RNF17: variants seen among roughly 807,000 people sequenced by gnomAD.
The protein encoded by RNF17 is ring finger protein 17.
A neutral mutation model predicts 200.5 loss-of-function variants in RNF17; 31 were observed. The ratio of observed to expected loss-of-function variants is 0.15; its 90% CI spans 0.12 to 0.21. RNF17 has a LOEUF of 0.21. Among genes scored for constraint, RNF17 ranks in the 10% least tolerant of loss-of-function variants. RNF17 has a pLI of 1.00. For synonymous variants in RNF17, 606 were observed against 637.8 expected, an observed-to-expected ratio of 0.95 and a Z score of 0.75; for missense variants, 1,628 against 1,905.1, an observed-to-expected ratio of 0.85 and a Z score of 2.71.
upstream of RNF17, among the ~76,000 whole-genome samples, chr13:24,759,879 G>A (rs1478740568): frequency 4.6e-5 from 7 of 152,270 alleles, no homozygotes; most frequent in African/African-American, 1.7e-4. Context: ...GGTGGCTCAC[G>A]CCTGTAATCC....
At chr13:24,827,724 A>AAC (rs1429666384) in intron 16 of RNF17, among the ~76,000 whole-genome samples, 2 of 149,008 alleles carry the variant, frequency 1.3e-5, no homozygotes, top group South Asian at 2.2e-4. Context: ...AAAACAAAAA[A>AAC]AAAAAAACAA....
rs189969679 is a variant in RNF17, at chr13:24,862,076, G to A, written c.3895-637G>A. Among the ~76,000 whole-genome samples, 505 of 152,306 alleles carry A rather than the reference G, an allele frequency of 3.3e-3. 1 individual carries two copies. The highest frequency in any genetic ancestry group is 5.3e-3 in the Non-Finnish European group (362 of 68,024). ...CAGTTCTTGTGAGAACTCACAATCA[G>A]CATGGGGGAAACTGCCCCATGATCC... On this transcript the variant is annotated intron_variant, in intron 27 of 35. Coordinates refer to ENST00000255324, the MANE Select transcript of RNF17 (RefSeq NM_031277.3).
rs71186847 is a variant in RNF17 at position 24,797,714 on chromosome 13, G to GTC, written c.1399+1420_1399+1421insCT. Among the ~76,000 whole-genome samples the GTC allele has an allele frequency of 2.7e-3, 395 of 146,504 alleles. 6 individuals carry two copies. Among genetic ancestry groups the GTC allele is most frequent in the South Asian group, 5.6e-3 (25 of 4,472 alleles). The stretch of plus-strand genomic sequence containing the variant: ...AGAGAGAGAGACAAAGAGTGTGTGT[G>GTC]TGTGTGTGTGTGTGTGTGTGTGTGT... On this transcript the variant is annotated intron_variant, in intron 11 of 35. Transcript: ENST00000255324.
chr13:24,843,991 T>C lies in RNF17; in HGVS notation c.2831+20T>C. ...TAATAGGTATAATATATATATATAATATATAAGGAAAATATTGCATATGAT... is the reference window on the plus strand; with the variant it reads ...TAATAGGTATAATATATATATATAACATATAAGGAAAATATTGCATATGAT... On this transcript the variant is annotated intron_variant, in intron 20 of 35. Coordinates refer to ENST00000255324, the MANE Select transcript of RNF17 (RefSeq NM_031277.3). The C allele has an allele frequency of 3.0e-6, 2 of 676,140 alleles. No homozygotes were observed. The highest frequency in any genetic ancestry group is 4.4e-6 in the Non-Finnish European group (2 of 455,610). 41.9% of individuals were successfully genotyped at this position (676,140 alleles called of 1,614,324 possible).
In RNF17 at chr13:24,859,021, A is replaced by G; in HGVS notation, c.3631A>G (p.Thr1211Ala). The change falls in exon 26 of 36, where the codon ACA becomes GCA. Residue 1211 changes from threonine (T) to alanine (A), a missense_variant. Thr to Ala is a moderately conservative substitution (Grantham distance 58). This residue lies in a region of RNF17 where 609 missense variants were observed against 681.9 expected (regional missense o/e 0.89). Transcript: ENST00000255324. ...KLSEFELIKM[T>A]NEIQSNLKCL... is the part of the protein sequence containing the mutation. Reference sequence around the variant, plus strand: ...TTCAGAATTTGAGCTAATAAAAATGACAAATGAAATTCAAAGTAATTTAAA... The same window carrying G: ...TTCAGAATTTGAGCTAATAAAAATGGCAAATGAAATTCAAAGTAATTTAAA... 7.5e-6 allele frequency: 12 copies of G among 1,590,664 alleles called. No individual in the cohort carries two copies. Among genetic ancestry groups the G allele is most frequent in the Non-Finnish European group, 9.5e-6 (11 of 1,161,818 alleles).
intron 1 of RNF17, 75 bp from the exon 2 acceptor site, chr13:24,767,197 T>A (rs1879821789): frequency 5.9e-6 from 6 of 1,017,634 alleles, no homozygotes; most frequent in Non-Finnish European, 8.9e-6. Flanking sequence ...ACACTCCAGC[T>A]TGGGCAACAG....
chr13:24,852,767 C>G (rs185722974), intron 24 of RNF17, among the ~76,000 whole-genome samples: 2 of 152,200 alleles, frequency 1.3e-5, no homozygotes, highest in African/African-American at 4.8e-5. Context: ...GTTAATACTA[C>G]TGACATTGTC....
intron 15 of RNF17, among the ~76,000 whole-genome samples, chr13:24,818,535 A>T (rs935498372): frequency 6.6e-6 from 1 of 152,084 alleles, no homozygotes. Flanking sequence ...AATTCTGTCA[A>T]TGTTTGCTTC....
chr13:24,851,824 A>G (rs1261975559), intron 24 of RNF17, among the ~76,000 whole-genome samples: 1 of 152,176 alleles, frequency 6.6e-6, no homozygotes, highest in Non-Finnish European at 1.5e-5. Context: ...CTCTCCTTTG[A>G]CATTTACACT....
intron 11 of RNF17, among the ~76,000 whole-genome samples, chr13:24,799,070 G>T (rs1884943925): frequency 6.6e-6 from 1 of 152,108 alleles, no homozygotes; most frequent in Non-Finnish European, 1.5e-5. Context: ...TAATTAATTT[G>T]CCTGTCTCTC....
At chr13:24,862,840 A>C in intron 28 of RNF17, 47 bp downstream of exon 28, 1 of 1,063,714 alleles carries the variant, frequency 9.4e-7, no homozygotes, top group Non-Finnish European at 1.4e-6. Flanking sequence ...GCCATAAAAT[A>C]TTATAATTAA....
upstream of RNF17, among the ~76,000 whole-genome samples, chr13:24,762,393 A>AG (rs1878844312): frequency 6.8e-6 from 1 of 147,508 alleles, no homozygotes; most frequent in Non-Finnish European, 1.5e-5. Flanking sequence ...AAAAAAAAAA[A>AG]GAGAATATGA....
rs562150951 is a variant in RNF17, at chr13:24,861,138, C to T, written c.3775-130C>T. 263 of 675,566 alleles carry T rather than the reference C, an allele frequency of 3.9e-4. 1 individual carries two copies. The highest frequency in any genetic ancestry group is 5.4e-4 in the Non-Finnish European group (234 of 435,134). 41.8% of individuals were successfully genotyped at this position (675,566 alleles called of 1,614,324 possible). ...AAACAATCCACCCACCTCTGCCTCC[C>T]AGAGTGCTGGGATTATAGGCATGAG... On this transcript the variant is annotated intron_variant, in intron 26 of 35. Transcript: ENST00000255324.
At chr13:24,875,119 T>G (rs1010923179) in intron 33 of RNF17, among the ~76,000 whole-genome samples, 4 of 152,178 alleles carry the variant, frequency 2.6e-5, no homozygotes, top group African/African-American at 9.7e-5. Context: ...GATTTCAAAA[T>G]TTTTTCACCA....
chr13:24,801,984 C>G (rs554166899), intron 13 of RNF17, among the ~76,000 whole-genome samples: 1 of 151,808 alleles, frequency 6.6e-6, no homozygotes, highest in South Asian at 2.1e-4. Context: ...ATTTTTCTTT[C>G]TTTTCTTTCT....
intron 30 of RNF17, among the ~76,000 whole-genome samples, chr13:24,867,238 G>A (rs1893729375): frequency 6.6e-6 from 1 of 152,114 alleles, no homozygotes. Context: ...ATATTGCCCA[G>A]GCTGGTCTTG....
At chr13:24,877,765 C>T (rs1468409399) in intron 34 of RNF17, among the ~76,000 whole-genome samples, 1 of 152,184 alleles carries the variant, frequency 6.6e-6, no homozygotes, top group African/African-American at 2.4e-5. Flanking sequence ...GTACTAATCT[C>T]ATAATTGTAC....
chr13:24,883,134 A>AT (rs745724973), downstream of RNF17: 2 of 1,521,656 alleles, frequency 1.3e-6, no homozygotes, highest in South Asian at 1.1e-5. Context: ...ATTTTTTAAC[A>AT]TAAAAAGTCA....
the RNF17 span, chr13:24,886,176 C>T: frequency 9.1e-6 from 5 of 550,240 alleles, no homozygotes; most frequent in East Asian, 2.1e-4. Context: ...TCTAAAAATA[C>T]ACTGAAGTGC....
Sources: allele counts gnomAD v4.1 joint callset (sites outside exome capture counted in the v4.1 genomes callset), GRCh38; gene constraint gnomAD v4.1.1; regional missense constraint gnomAD v4.1.1; transcripts MANE v1.5; gene names NCBI Gene and HGNC (gene_info 2026-07-23, HGNC 2026-07-21).